Variants in CANT1 observed in about 807,000 individuals in gnomAD.
CANT1 encodes the protein soluble calcium-activated nucleotidase 1.
A neutral mutation model predicts 30.0 loss-of-function variants in CANT1; 26 were observed. That is an observed-to-expected ratio of 0.87 (90% CI 0.64 to 1.20). The LOEUF (loss-of-function observed/expected upper bound fraction) is 1.20. CANT1 is among the 50% of genes most tolerant of loss of function. CANT1 has a pLI of 0.00. For missense variants in CANT1, 518 were observed against 563.0 expected (o/e 0.92, Z 0.81); for synonymous variants, 246 against 251.8 (o/e 0.98, Z 0.22).
chr17:79,008,479 C>T lies in CANT1; in HGVS notation c.-147+1185G>A, dbSNP rs1226044639. Among the ~76,000 whole-genome samples, 2 of 152,230 alleles carry T rather than the reference C, an allele frequency of 1.3e-5. No individual in the cohort carries two copies. The highest frequency in any genetic ancestry group is 2.4e-5 in the African/African-American group (1 of 41,462). On this transcript the variant is annotated intron_variant, in intron 1 of 4. Coordinates refer to ENST00000392446, the MANE Select transcript of CANT1 (RefSeq NM_001159773.2). The surrounding 1 kb of genome is among the most constrained non-coding windows in gnomAD (Gnocchi z 4.4). ...AGAGCTAGCCGGATTCACTTGACAC[C>T]AAGAGCCTCACATTTCCAAACCTCT... is the stretch of plus-strand genomic sequence containing the variant.
chr17:78,998,742 G>A lies in CANT1; in HGVS notation c.-146-779C>T, dbSNP rs1007428846. ...CGCCAAGTGCCACAGTGGGGCGTGG[G>A]GAGACAGCTCCCGGTGCTTCGATCG... On this transcript the variant is annotated intron_variant, in intron 1 of 4. Coordinates refer to ENST00000392446, the MANE Select transcript of CANT1 (RefSeq NM_001159773.2). This position sits in a 1 kb window ranked among gnomAD's most constrained non-coding sequence, Gnocchi z 4.5. 1.3e-5 allele frequency among the ~76,000 whole-genome samples: 2 copies of A among 152,274 alleles called. No individual in the cohort carries two copies. The highest frequency in any genetic ancestry group is 4.8e-5 in the African/African-American group (2 of 41,482).
rs748870754 is a variant in CANT1, at chr17:79,002,805, C to T, written c.-146-4842G>A. 6.6e-6 allele frequency among the ~76,000 whole-genome samples: 1 copy of T among 152,252 alleles called. No homozygotes were observed. The highest frequency in any genetic ancestry group is 2.4e-5 in the African/African-American group (1 of 41,470). Reference sequence around the variant, plus strand: ...CAATGCCTTCCATCTGAAGGACAAACGTCTCAGCCTGCAGAGAAAGCCTCA... The same window carrying T: ...CAATGCCTTCCATCTGAAGGACAAATGTCTCAGCCTGCAGAGAAAGCCTCA... On this transcript the variant is annotated intron_variant, in intron 1 of 4. Coordinates refer to ENST00000392446, the MANE Select transcript of CANT1 (RefSeq NM_001159773.2). The surrounding 1 kb of genome is among the most constrained non-coding windows in gnomAD (Gnocchi z 4.0).
rs2070897141 is a variant in CANT1, at chr17:78,993,294, T to G, written c.*256A>C. The G allele has an allele frequency of 1.9e-6, 1 of 537,040 alleles. No individual in the cohort carries two copies. Among genetic ancestry groups the G allele is most frequent in the East Asian group, 3.2e-5 (1 of 31,018 alleles). 33.3% of individuals were successfully genotyped at this position (537,040 alleles called of 1,614,324 possible). ...GGATGGAAGAAACGACCCAGCCAGT[T>G]AGGCAGGCCTTGAGTCAATGCCTGA... On this transcript the variant is annotated 3_prime_UTR_variant, in exon 5 of 5. Coordinates refer to ENST00000392446, the MANE Select transcript of CANT1 (RefSeq NM_001159773.2). This position sits in a 1 kb window ranked among gnomAD's most constrained non-coding sequence, Gnocchi z 4.5.
chr17:79,002,694 G>T lies in CANT1; in HGVS notation c.-146-4731C>A, dbSNP rs1006645402. On this transcript the variant is annotated intron_variant, in intron 1 of 4. Transcript: ENST00000392446. The surrounding 1 kb of genome is among the most constrained non-coding windows in gnomAD (Gnocchi z 4.0). ...CTCCCTGTCCCTCGACAGATCCCTG[G>T]TCAAGACCATCTCAAATCACCCTCC... Among the ~76,000 whole-genome samples, 4 of 152,196 alleles carry T rather than the reference G, an allele frequency of 2.6e-5. No individual in the cohort carries two copies. The highest frequency in any genetic ancestry group is 4.4e-5 in the Non-Finnish European group (3 of 68,040).
At chr17:79,000,928 G>T (rs2145845960) in intron 1 of CANT1, among the ~76,000 whole-genome samples, 1 of 152,328 alleles carries the variant, frequency 6.6e-6, no homozygotes, top group Non-Finnish European at 1.5e-5. Flanking sequence ...TGCCAGGCAG[G>T]GAGCAGACAG....
Position 78,997,662 on chromosome 17 carries a change from G to A in CANT1, c.-22-18C>T, listed in dbSNP as rs775198770. On this transcript the variant is annotated intron_variant, in intron 2 of 4. Coordinates refer to ENST00000392446, the MANE Select transcript of CANT1 (RefSeq NM_001159773.2). The surrounding 1 kb of genome is among the most constrained non-coding windows in gnomAD (Gnocchi z 7.5). ...GGCGGGACCTGCACAGCCAGGGAGG[G>A]AGGAGAGGAGTCAGCGCCTCCGCAA... is the stretch of plus-strand genomic sequence containing the variant. 1 of 1,520,488 alleles carries A rather than the reference G, an allele frequency of 6.6e-7. No homozygotes were observed. 94.2% of individuals were successfully genotyped at this position (1,520,488 alleles called of 1,614,324 possible).
At chr17:79,003,496 A>T (rs1395296467) in intron 1 of CANT1, among the ~76,000 whole-genome samples, 1 of 151,818 alleles carries the variant, frequency 6.6e-6, no homozygotes, top group Non-Finnish European at 1.5e-5. Context: ...GCCAGAAACA[A>T]CAGAAATGAA....
At chr17:79,000,833 CCCA>C (rs1219914656) in intron 1 of CANT1, among the ~76,000 whole-genome samples, 1 of 152,214 alleles carries the variant, frequency 6.6e-6, no homozygotes, top group Non-Finnish European at 1.5e-5. Context: ...CTCCGGCTCT[CCCA>C]CCGTCCCTGC....
chr17:78,992,334 T>G lies in CANT1; in HGVS notation c.*1216A>C. 4.2e-6 allele frequency: 1 copy of G among 237,546 alleles called. No individual in the cohort carries two copies. Among genetic ancestry groups the G allele is most frequent in the South Asian group, 1.5e-4 (1 of 6,836 alleles). The allele number at this position is 237,546 out of a possible 1,614,324, so 14.7% of individuals were successfully genotyped here. The stretch of plus-strand genomic sequence containing the variant: ...GGTGGGGTAGGAGTGAGGGTGGGGG[T>G]CGGGGTGAGGTAGTGCTGTGGGGAG... On this transcript the variant is annotated 3_prime_UTR_variant, in exon 5 of 5. Transcript: ENST00000392446.
chr17:79,002,296 C>T lies in CANT1; in HGVS notation c.-146-4333G>A, dbSNP rs146167116. Among the ~76,000 whole-genome samples, 440 of 152,206 alleles carry T rather than the reference C, an allele frequency of 2.9e-3. 4 individuals are homozygous for T. The highest frequency in any genetic ancestry group is 0.01 in the African/African-American group (424 of 41,530). On this transcript the variant is annotated intron_variant, in intron 1 of 4. Transcript: ENST00000392446. This position sits in a 1 kb window ranked among gnomAD's most constrained non-coding sequence, Gnocchi z 4.0. Reference sequence around the variant, plus strand: ...GCTCAGCCAAGGGACTTCCCTTGGCCTCAGTTTACTTCCCGGAGCCATGCT... The same window carrying T: ...GCTCAGCCAAGGGACTTCCCTTGGCTTCAGTTTACTTCCCGGAGCCATGCT...
intron 1 of CANT1, among the ~76,000 whole-genome samples, chr17:79,004,068 G>A (rs185388060): frequency 3.8e-5 from 1 of 26,254 alleles, no homozygotes. Context: ...GGGGGAGTTA[G>A]GGAGAGGGGA....
At chr17:78,999,669 T>TTTTTTG (rs2071180397) in intron 1 of CANT1, among the ~76,000 whole-genome samples, 2 of 140,428 alleles carry the variant, frequency 1.4e-5, no homozygotes, top group South Asian at 2.3e-4. Flanking sequence ...TTTTTTTTTT[T>TTTTTTG]GGAGACAGAG....
chr17:79,006,653 G>A (rs1002333779), intron 1 of CANT1, among the ~76,000 whole-genome samples: 4 of 152,206 alleles, frequency 2.6e-5, no homozygotes, highest in African/African-American at 9.7e-5. Context: ...TATCATCGAT[G>A]TTACACCTGG....
chr17:79,000,786 T>C (rs2071229679), intron 1 of CANT1, among the ~76,000 whole-genome samples: 1 of 152,180 alleles, frequency 6.6e-6, no homozygotes, highest in African/African-American at 2.4e-5. Context: ...ATCAGCTCCC[T>C]GGGAAGACTT....
chr17:78,997,609 A>C lies in CANT1; in HGVS notation c.14T>G (p.Leu5Arg). 3 of 1,569,414 alleles carry C rather than the reference A, an allele frequency of 1.9e-6. No homozygotes were observed. Among genetic ancestry groups the C allele is most frequent in the Non-Finnish European group, 2.6e-6 (3 of 1,157,072 alleles). The change falls in exon 3 of 5, where the codon CTG (leucine) becomes CGG (arginine). Residue 5 changes from leucine (L) to arginine (R), a missense_variant. Physicochemically the swap from Leu to Arg is moderately radical, Grantham distance 102. This residue lies in a region of CANT1 where 249 missense variants were observed against 268.8 expected (regional missense o/e 0.93). Transcript: ENST00000392446. This position sits in a 1 kb window ranked among gnomAD's most constrained non-coding sequence, Gnocchi z 7.5. ...CTCATTCCATTCCGGGTGCTCAGAC[A>C]GCTGCACGGGCATCAGCGTGACAGA... MPVQ[L>R]SEHPEWNESM...
Position 78,993,468 on chromosome 17 carries a change from A to T in CANT1, c.*82T>A. On this transcript the variant is annotated 3_prime_UTR_variant, in exon 5 of 5. Transcript: ENST00000392446. This position sits in a 1 kb window ranked among gnomAD's most constrained non-coding sequence, Gnocchi z 4.5. ...CCAACCCAGGCACAGTTCCAAAAAG[A>T]ACAAAACAAAACAAAAGTGCACTCC... 6.3e-7 allele frequency: 1 copy of T among 1,597,524 alleles called. No individual in the cohort carries two copies. Among genetic ancestry groups the T allele is most frequent in the South Asian group, 1.1e-5 (1 of 89,720 alleles).
intron 1 of CANT1, among the ~76,000 whole-genome samples, chr17:79,007,901 G>T (rs540572340): frequency 6.6e-6 from 1 of 152,204 alleles, no homozygotes; most frequent in Non-Finnish European, 1.5e-5. Context: ...AGGGTCCAGG[G>T]GTCCTATCCC....
chr17:79,000,455 A>C, intron 1 of CANT1, among the ~76,000 whole-genome samples: 1 of 137,878 alleles, frequency 7.3e-6, no homozygotes, highest in Admixed American at 7.3e-5. Context: ...TCCGCCCCTG[A>C]CACTCCCATA....
In CANT1 at chr17:78,995,357, GC is replaced by G. The variant is rs2071000633; in HGVS notation, c.632-137del. 4.3e-6 allele frequency: 4 copies of G among 937,554 alleles called. No homozygotes were observed. Among genetic ancestry groups the G allele is most frequent in the Non-Finnish European group, 6.5e-6 (4 of 610,976 alleles). 58.1% of individuals were successfully genotyped at this position (937,554 alleles called of 1,614,324 possible). On this transcript the variant is annotated intron_variant, in intron 3 of 4. Transcript: ENST00000392446. The surrounding 1 kb of genome is among the most constrained non-coding windows in gnomAD (Gnocchi z 5.7). ...CGGCTCCACACCTGCCTCCCCTCCG[GC>G]CCGCACCTGGCTCCCGCCCAGGGCC...
Sources: gnomAD v4.1 joint callset for allele counts (sites outside exome capture counted in the v4.1 genomes callset) on GRCh38, gnomAD v4.1.1 for gene constraint, gnomAD v4.1.1 regional missense constraint, Gnocchi (gnomAD v3.1) non-coding constraint, MANE v1.5 for transcripts, NCBI Gene and HGNC (gene_info 2026-07-23, HGNC 2026-07-21) for gene names.